Variants in SUMF2 observed in about 807,000 individuals in gnomAD.
The protein encoded by SUMF2 is sulfatase modifying factor 2, also known as inactive C-alpha-formylglycine-generating enzyme 2.
Under a neutral mutation model 44.8 loss-of-function variants are expected in SUMF2, and 45 were observed. The observed-to-expected ratio is 1.00, with a 90% CI of 0.79 to 1.29. The LOEUF (loss-of-function observed/expected upper bound fraction) is 1.29, where lower values mean the gene tolerates loss of function less well. Ranked by LOEUF, SUMF2 falls within the 50% of genes most tolerant of loss-of-function variation. SUMF2 has a pLI of 0.00. For missense variants in SUMF2, 418 were observed against 389.9 expected, an observed-to-expected ratio of 1.07 and a Z score of -0.61; for synonymous variants, 148 against 150.4, an observed-to-expected ratio of 0.98 and a Z score of 0.12.
chr7:56,064,326 G>C lies in SUMF2; in HGVS notation c.15G>C (p.Gly5=). The C allele has an allele frequency of 1.3e-6, 2 of 1,598,526 alleles. No individual in the cohort carries two copies. The highest frequency in any genetic ancestry group is 2.3e-5 in the East Asian group (1 of 44,292). The change falls in exon 1 of 9, where the codon GGG becomes GGC. Residue 5 remains glycine (G), a synonymous_variant. Coordinates refer to ENST00000434526, the MANE Select transcript of SUMF2 (RefSeq NM_015411.4). MARH[G]LPLLPLLSLL... ...CGGCAGTCCTGATGGCCCGGCATGG[G>C]TTACCGCTGCTGCCCCTGCTGTCGC...
At chr7:56,086,557 C>T in the SUMF2 span, among the ~76,000 whole-genome samples, 2 of 151,824 alleles carry the variant, frequency 1.3e-5, no homozygotes, top group East Asian at 3.9e-4. Context: ...GGCGTGATCT[C>T]GGCTCACTTC....
downstream of SUMF2, chr7:56,081,862 A>G (rs762760644): frequency 2.0e-5 from 32 of 1,611,972 alleles, no homozygotes; most frequent in Admixed American, 5.3e-4. The surrounding 1 kb of genome is among the most constrained non-coding windows in gnomAD (Gnocchi z 4.6). Flanking sequence ...CGCAGCCCTG[A>G]GCCCAGGAGC....
At chr7:56,074,961 G>A (rs906672490) in intron 5 of SUMF2, among the ~76,000 whole-genome samples, 2 of 152,138 alleles carry the variant, frequency 1.3e-5, no homozygotes, top group African/African-American at 2.4e-5. Flanking sequence ...AGCTGGGCCT[G>A]GTGGCATGTG....
chr7:56,083,474 C>T (rs767454384), downstream of SUMF2: 1 of 1,611,502 alleles, frequency 6.2e-7, no homozygotes, highest in Non-Finnish European at 8.5e-7. Flanking sequence ...TACTCTTCCT[C>T]TGCTCAGGGT....
the SUMF2 span, chr7:56,087,806 G>A: frequency 6.3e-7 from 1 of 1,590,430 alleles, no homozygotes. Flanking sequence ...ATGGCCTCGG[G>A]GGGCCCCTCA....
rs756988077 is a variant in SUMF2 at position 56,064,315 on chromosome 7, G to T, written c.4G>T (p.Ala2Ser). The change falls in exon 1 of 9, where the codon GCC (alanine) becomes TCC (serine). Residue 2 changes from alanine (A) to serine (S), a missense_variant. Physicochemically the swap from Ala to Ser is moderately conservative, Grantham distance 99. Coordinates refer to ENST00000434526, the MANE Select transcript of SUMF2 (RefSeq NM_015411.4). The stretch of plus-strand genomic sequence containing the variant: ...GCGGCGCAGCGCGGCAGTCCTGATG[G>T]CCCGGCATGGGTTACCGCTGCTGCC... MARHGLPLLPLL... is the reference protein window; with the variant it reads MSRHGLPLLPLL... 1.4e-5 allele frequency: 22 copies of T among 1,593,224 alleles called. No homozygotes were observed. In the East Asian group the frequency reaches 3.6e-4, roughly 26 times the overall value.
At chr7:56,079,345 T>C in intron 8 of SUMF2, 183 bp from the exon 9 acceptor site, 1 of 632,016 alleles carries the variant, frequency 1.6e-6, no homozygotes, top group Non-Finnish European at 2.8e-6. Context: ...TTGTCCCCTT[T>C]CTCCCAGGAC....
At chr7:56,085,260 C>T (rs1407230807), downstream of SUMF2, among the ~76,000 whole-genome samples, 3 of 151,882 alleles carry the variant, frequency 2.0e-5, no homozygotes, top group Admixed American at 6.6e-5. Flanking sequence ...CATGCCTGGC[C>T]TTAATTTTAT....
In SUMF2 at chr7:56,080,196, T is replaced by C. The variant is rs909375422; in HGVS notation, c.*584T>C. On this transcript the variant is annotated 3_prime_UTR_variant, in exon 9 of 9. Transcript: ENST00000434526. ...ACCAGATGATGTACTAGGTGAAGCA[T>C]TGCATTGTGGGAATCACAAAGCAAA... 3 of 244,860 alleles carry C rather than the reference T, an allele frequency of 1.2e-5. No individual in the cohort carries two copies. Among genetic ancestry groups the C allele is most frequent in the Non-Finnish European group, 2.3e-5 (3 of 128,546 alleles). 15.2% of individuals were successfully genotyped at this position (244,860 alleles called of 1,614,324 possible).
At chr7:56,071,422 G>A (rs1795145740) in intron 2 of SUMF2, among the ~76,000 whole-genome samples, 4 of 152,002 alleles carry the variant, frequency 2.6e-5, no homozygotes, top group Admixed American at 6.6e-5. Context: ...CCAGGAGGTC[G>A]ATGCTACAGT....
At chr7:56,086,125 C>T in the SUMF2 span, among the ~76,000 whole-genome samples, 5 of 151,626 alleles carry the variant, frequency 3.3e-5, no homozygotes, top group African/African-American at 1.2e-4. Context: ...ACTTCCTGGA[C>T]ATGCTTTCCT....
intron 1 of SUMF2, among the ~76,000 whole-genome samples, chr7:56,067,894 G>GA (rs71015177): frequency 0.068 from 4,959 of 72,606 alleles, 181 homozygotes; most frequent in East Asian, 0.27. Context: ...ATCCTGTCAC[G>GA]AAAAAAAAAA....
At chr7:56,083,011 C>A, downstream of SUMF2, 1 of 383,132 alleles carries the variant, frequency 2.6e-6, no homozygotes, top group Non-Finnish European at 4.8e-6. Flanking sequence ...GAGGTTGAGG[C>A]AGGAGAATCA....
At chr7:56,084,713 C>T (rs552117469), downstream of SUMF2, among the ~76,000 whole-genome samples, 2 of 152,206 alleles carry the variant, frequency 1.3e-5, no homozygotes, top group East Asian at 1.9e-4. Context: ...TGGGAAGAAT[C>T]GGCTGTGCAA....
Position 56,079,562 on chromosome 7 carries a change from C to T in SUMF2, c.856C>T (p.Leu286Phe), listed in dbSNP as rs1414334872. ...CACTCCAGATTCAGCCTCAGACAAC[C>T]TCGGTTTCCGCTGTGCTGCAGACGC... ...GNTPDSASDNLGFRCAADAGR... is the reference protein window; with the variant it reads ...GNTPDSASDNFGFRCAADAGR... Residue 286 changes from leucine to phenylalanine, a missense_variant, in exon 9 of 9, where the codon CTC (leucine) becomes TTC (phenylalanine). Leu to Phe is a conservative substitution (Grantham distance 22). Transcript: ENST00000434526. 1 of 1,614,018 alleles carries T rather than the reference C, an allele frequency of 6.2e-7. No homozygotes were observed. Among genetic ancestry groups the T allele is most frequent in the South Asian group, 1.1e-5 (1 of 91,080 alleles).
intron 7 of SUMF2, 33 bp downstream of exon 7, chr7:56,078,219 A>G (rs1358961523): frequency 1.3e-6 from 2 of 1,593,980 alleles, no homozygotes; most frequent in Middle Eastern, 1.7e-4. Context: ...GGCTGTGCCC[A>G]TGAACTGGCT....
downstream of SUMF2, chr7:56,083,232 T>C (rs1277058373): frequency 6.3e-7 from 1 of 1,585,898 alleles, no homozygotes; most frequent in Non-Finnish European, 8.6e-7. Context: ...AGATGGTTGA[T>C]TGAGCACCCG....
Position 56,075,449 on chromosome 7 carries a change from C to T in SUMF2, c.535+713C>T, listed in dbSNP as rs376483438. Among the ~76,000 whole-genome samples the T allele has an allele frequency of 2.4e-4, 36 of 151,990 alleles. 3 individuals are homozygous for T. Among genetic ancestry groups the T allele is most frequent in the Admixed American group, 1.4e-3 (22 of 15,244 alleles). The stretch of plus-strand genomic sequence containing the variant: ...CAGTGGCTCACGCCTGTAATCAAAG[C>T]ACTTTGGGAGGCCGAGGTGGGTGGA... On this transcript the variant is annotated intron_variant, in intron 5 of 8. Coordinates refer to ENST00000434526, the MANE Select transcript of SUMF2 (RefSeq NM_015411.4).
At chr7:56,070,583 T>C (rs559749401) in intron 2 of SUMF2, among the ~76,000 whole-genome samples, 3 of 151,732 alleles carry the variant, frequency 2.0e-5, no homozygotes, top group Non-Finnish European at 2.9e-5. Context: ...TGAGCCATGA[T>C]TGCACCACTG....
Sources: allele counts gnomAD v4.1 joint callset (sites outside exome capture counted in the v4.1 genomes callset), GRCh38; gene constraint gnomAD v4.1.1; non-coding constraint Gnocchi (gnomAD v3.1); transcripts MANE v1.5; gene names NCBI Gene and HGNC (gene_info 2026-07-23, HGNC 2026-07-21).